Variants in PLCG2 observed in about 807,000 individuals in gnomAD.
The protein encoded by PLCG2 is phospholipase C gamma 2, also known as 1-phosphatidylinositol 4,5-bisphosphate phosphodiesterase gamma-2.
A neutral mutation model predicts 175.6 loss-of-function variants in PLCG2; 69 were observed. That is an observed-to-expected ratio of 0.39 (90% CI 0.32 to 0.48). PLCG2 has a LOEUF of 0.48. Among genes scored for constraint, PLCG2 ranks in the 20% least tolerant of loss-of-function variants. The pLI, the probability that PLCG2 is intolerant of heterozygous loss-of-function variation, is 0.91. For synonymous variants in PLCG2, 827 were observed against 624.0 expected (o/e 1.33, Z -4.85); for missense variants, 1,798 against 1,650.9 (o/e 1.09, Z -1.54).
chr16:81,754,031 C>A (rs904751472), intron 1 of PLCG2, among the ~76,000 whole-genome samples: 2 of 152,090 alleles, frequency 1.3e-5, no homozygotes, highest in Admixed American at 1.3e-4. Context: ...ACAGGCCCAC[C>A]CCCGGGGAGA....
chr16:81,788,904 G>T (rs7189468), intron 2 of PLCG2, among the ~76,000 whole-genome samples: 6 of 152,094 alleles, frequency 3.9e-5, no homozygotes, highest in East Asian at 1.9e-4. Context: ...TCCCCCACAA[G>T]GGGTGAGAGG....
chr16:81,816,685 A>G (rs1486977301), intron 2 of PLCG2, among the ~76,000 whole-genome samples: 3 of 65,240 alleles, frequency 4.6e-5, no homozygotes, highest in African/African-American at 2.2e-4. Flanking sequence ...TTTTTTTAGT[A>G]GAGGTGGGAT....
chr16:81,878,993 C>T (rs554728719), intron 7 of PLCG2, among the ~76,000 whole-genome samples: 24 of 152,246 alleles, frequency 1.6e-4, no homozygotes, highest in African/African-American at 5.5e-4. Flanking sequence ...CAAGACCTGG[C>T]AGAGGAGGGG....
intron 13 of PLCG2, 27 bp from the exon 14 acceptor site, chr16:81,900,585 G>T: frequency 6.4e-7 from 1 of 1,569,300 alleles, no homozygotes; most frequent in Non-Finnish European, 8.7e-7. Context: ...TCCCCCTGCC[G>T]AGCTGCCCAC....
chr16:81,929,643 G>C (rs1036989904), intron 24 of PLCG2, among the ~76,000 whole-genome samples: 2 of 152,234 alleles, frequency 1.3e-5, no homozygotes, highest in African/African-American at 4.8e-5. Context: ...TGATCTGCCT[G>C]CCTTAGCCTC....
At chr16:81,949,666 G>C (rs1911289696) in intron 31 of PLCG2, among the ~76,000 whole-genome samples, 1 of 152,290 alleles carries the variant, frequency 6.6e-6, no homozygotes, top group Middle Eastern at 3.4e-3. Context: ...GGAAACCAGT[G>C]AATAATTAAT....
At chr16:81,935,628 C>G in intron 26 of PLCG2, 1 of 985,354 alleles carries the variant, frequency 1.0e-6, no homozygotes, top group Non-Finnish European at 1.2e-6. Context: ...ACTCAGCAGG[C>G]TCAGCATGTT....
chr16:81,958,039 T>A lies in PLCG2; in HGVS notation c.*41T>A. ...TGTAAGGGTATTGTGTGTGTGCGCA[T>A]GTGTGTTTGCATGTAGGAGAACGTG... On this transcript the variant is annotated 3_prime_UTR_variant, in exon 33 of 33. Transcript: ENST00000564138. The A allele has an allele frequency of 7.0e-7, 1 of 1,430,130 alleles. No homozygotes were observed. Among genetic ancestry groups the A allele is most frequent in the Non-Finnish European group, 9.9e-7 (1 of 1,012,074 alleles). The allele number at this position is 1,430,130 out of a possible 1,614,324, so 88.6% of individuals were successfully genotyped here. A position where few individuals can be genotyped will look rare whatever the true frequency, so the allele number is the denominator to read the frequency against.
At chr16:81,886,765 C>A (rs1908387341) in intron 9 of PLCG2, among the ~76,000 whole-genome samples, 1 of 152,154 alleles carries the variant, frequency 6.6e-6, no homozygotes, top group African/African-American at 2.4e-5. Context: ...ATAACCTGTA[C>A]CTCCTGGGGT....
Position 81,919,617 on chromosome 16 carries a change from A to G in PLCG2, c.2188A>G (p.Arg730Gly), listed in dbSNP as rs1005692740. ...YEKHSLYRKM[R>G]LRYPVTPELL... ...GAAGCATTCACTCTACCGAAAGATG[A>G]GACTGCGCTACCCCGTGACCCCCGA... Residue 730 changes from arginine (R) to glycine (G), a missense_variant, in exon 20 of 33, where the codon AGA (arginine) becomes GGA (glycine). Coordinates refer to ENST00000564138, the MANE Select transcript of PLCG2 (RefSeq NM_002661.5). 5 of 1,613,986 alleles carry G rather than the reference A, an allele frequency of 3.1e-6. No homozygotes were observed. Among genetic ancestry groups the G allele is most frequent in the Non-Finnish European group, 4.2e-6 (5 of 1,180,012 alleles).
At chr16:81,878,834 C>T (rs1043393978) in intron 7 of PLCG2, among the ~76,000 whole-genome samples, 1 of 152,182 alleles carries the variant, frequency 6.6e-6, no homozygotes, top group Non-Finnish European at 1.5e-5. Context: ...TCTCTTGCAG[C>T]GTTTGTGGCT....
chr16:81,767,702 T>A (rs954932171), intron 2 of PLCG2: 2 of 152,118 alleles, frequency 1.3e-5, no homozygotes, highest in Non-Finnish European at 2.9e-5. Flanking sequence ...TCCAACACAA[T>A]CAAAATATAA....
chr16:81,913,325 T>C (rs553725536), intron 19 of PLCG2, among the ~76,000 whole-genome samples: 48 of 152,330 alleles, frequency 3.2e-4, no homozygotes, highest in African/African-American at 8.9e-4. Context: ...ATATGTTGAG[T>C]TCCTAACCGT....
At chr16:81,953,341 G>T (rs1173729375) in intron 31 of PLCG2, among the ~76,000 whole-genome samples, 1 of 152,186 alleles carries the variant, frequency 6.6e-6, no homozygotes, top group East Asian at 1.9e-4. Context: ...TTGTACTGTG[G>T]TTGTGCGAGA....
At chr16:81,942,249 A>G (rs561086816) in intron 30 of PLCG2, among the ~76,000 whole-genome samples, 15 of 152,160 alleles carry the variant, frequency 9.9e-5, no homozygotes, top group Non-Finnish European at 1.9e-4. Context: ...AGAGTTGATG[A>G]TAAAACCTCG....
At chr16:81,811,226 A>C (rs1164020370) in intron 2 of PLCG2, among the ~76,000 whole-genome samples, 4 of 152,168 alleles carry the variant, frequency 2.6e-5, no homozygotes, top group Non-Finnish European at 4.4e-5. Context: ...CAGTGTCTGC[A>C]TCTGTCAAAT....
chr16:81,953,705 G>C (rs1006765569), intron 31 of PLCG2, among the ~76,000 whole-genome samples: 12 of 152,130 alleles, frequency 7.9e-5, no homozygotes, highest in African/African-American at 2.7e-4. Context: ...CAAGAGGGCT[G>C]GTTCATTTGC....
At chr16:81,763,048 C>A (rs994837848) in intron 2 of PLCG2, among the ~76,000 whole-genome samples, 2 of 152,098 alleles carry the variant, frequency 1.3e-5, no homozygotes, top group African/African-American at 2.4e-5. Context: ...CAGAGTGAGA[C>A]CCTGTCTCTT....
chr16:81,913,400 G>A (rs1401814070), intron 19 of PLCG2, among the ~76,000 whole-genome samples: 1 of 152,220 alleles, frequency 6.6e-6, no homozygotes, highest in East Asian at 1.9e-4. Context: ...GCCTGTGAGA[G>A]GTAGGTCTAG....
Sources: allele counts gnomAD v4.1 joint callset (sites outside exome capture counted in the v4.1 genomes callset), GRCh38; gene constraint gnomAD v4.1.1; transcripts MANE v1.5; gene names NCBI Gene and HGNC (gene_info 2026-07-23, HGNC 2026-07-21).